The following TTC9 variants were observed in gnomAD, a reference collection of about 807,000 sequenced individuals.
The protein encoded by TTC9 is tetratricopeptide repeat protein 9A.
In TTC9, 13 loss-of-function variants were observed where a neutral mutation model predicts 22.9. The observed-to-expected ratio is 0.57, with a 90% confidence interval of 0.37 to 0.90. TTC9 has a LOEUF of 0.90. TTC9 is among the 40% of genes least tolerant of loss of function. TTC9 has a pLI of 0.01. For synonymous variants in TTC9, 148 were observed against 133.2 expected, an observed-to-expected ratio of 1.11 and a Z score of -0.77; for missense variants, 280 against 291.8, an observed-to-expected ratio of 0.96 and a Z score of 0.29.
chr14:70,649,314 G>C (rs919774397), intron 1 of TTC9, among the ~76,000 whole-genome samples: 2 of 152,184 alleles, frequency 1.3e-5, no homozygotes, highest in Non-Finnish European at 2.9e-5. Context: ...TCTCTTGTTA[G>C]GGATCCAATA....
intron 1 of TTC9, among the ~76,000 whole-genome samples, chr14:70,650,872 C>T (rs1238689576): frequency 6.6e-6 from 1 of 152,120 alleles, no homozygotes; most frequent in Non-Finnish European, 1.5e-5. Flanking sequence ...TATGCTAGTA[C>T]AGTGTTCGCA....
intron 1 of TTC9, among the ~76,000 whole-genome samples, chr14:70,658,769 A>G (rs1886100695): frequency 6.6e-6 from 1 of 152,234 alleles, no homozygotes; most frequent in African/African-American, 2.4e-5. Flanking sequence ...ATTCCTATCA[A>G]CTTTATTCGT....
intron 1 of TTC9, among the ~76,000 whole-genome samples, chr14:70,653,103 C>G (rs1886009657): frequency 6.6e-6 from 1 of 152,180 alleles, no homozygotes; most frequent in South Asian, 2.1e-4. Flanking sequence ...TAATAATGTA[C>G]CACATAGGAT....
At position 70,671,391 on chromosome 14, in the gene TTC9, G is replaced by A. The variant is rs1049319422; in HGVS notation, c.*236G>A. On this transcript the variant is annotated 3_prime_UTR_variant, in exon 3 of 3. Coordinates refer to ENST00000256367, the MANE Select transcript of TTC9 (RefSeq NM_015351.2). ...ACATCCTCTCCTCTAGCAGGTCAGCGACTGAGAGGGGCCTGACTTCTGCTG... is the reference window on the plus strand; with the variant it reads ...ACATCCTCTCCTCTAGCAGGTCAGCAACTGAGAGGGGCCTGACTTCTGCTG... 18 of 420,856 alleles carry A rather than the reference G, an allele frequency of 4.3e-5. No individual in the cohort carries two copies. The highest frequency in any genetic ancestry group is 7.5e-5 in the Non-Finnish European group (17 of 226,186). 26.1% of individuals were successfully genotyped at this position (420,856 alleles called of 1,614,324 possible).
At chr14:70,657,519 T>G (rs764678122) in intron 1 of TTC9, among the ~76,000 whole-genome samples, 6 of 152,056 alleles carry the variant, frequency 3.9e-5, no homozygotes, top group Non-Finnish European at 8.8e-5. Context: ...AATGGAAAAG[T>G]GGAAGGTCAG....
intron 1 of TTC9, among the ~76,000 whole-genome samples, chr14:70,644,275 A>G (rs1885872052): frequency 6.6e-6 from 1 of 152,198 alleles, no homozygotes; most frequent in Admixed American, 6.5e-5. Flanking sequence ...GCGGGACTGA[A>G]ATCTGGATAG....
intron 1 of TTC9, among the ~76,000 whole-genome samples, chr14:70,653,642 T>C (rs1435578594): frequency 6.6e-6 from 1 of 152,154 alleles, no homozygotes; most frequent in Non-Finnish European, 1.5e-5. Context: ...ATTCTCCAAA[T>C]GAATAAGGCT....
intron 1 of TTC9, among the ~76,000 whole-genome samples, chr14:70,664,704 A>G (rs948668249): frequency 2.0e-5 from 3 of 148,296 alleles, no homozygotes; most frequent in Non-Finnish European, 4.4e-5. Flanking sequence ...ACTCCAGCCT[A>G]GGCAATAGAG....
At chr14:70,649,375 C>T (rs1317750059) in intron 1 of TTC9, among the ~76,000 whole-genome samples, 2 of 152,212 alleles carry the variant, frequency 1.3e-5, no homozygotes, top group Non-Finnish European at 2.9e-5. Context: ...ACACCAGACT[C>T]CAGGCTTGGG....
At chr14:70,649,695 G>A (rs866716001) in intron 1 of TTC9, among the ~76,000 whole-genome samples, 46 of 152,304 alleles carry the variant, frequency 3.0e-4, no homozygotes, top group African/African-American at 1.0e-3. Context: ...TCTACTCTTT[G>A]AAGCAACACA....
chr14:70,644,345 A>G (rs1484811562), intron 1 of TTC9, among the ~76,000 whole-genome samples: 1 of 152,238 alleles, frequency 6.6e-6, no homozygotes, highest in Non-Finnish European at 1.5e-5. Context: ...GAGAATGGAA[A>G]GTAGCAATAG....
At chr14:70,654,655 A>T (rs1886035752) in intron 1 of TTC9, among the ~76,000 whole-genome samples, 1 of 150,806 alleles carries the variant, frequency 6.6e-6, no homozygotes, top group South Asian at 2.1e-4. Flanking sequence ...TCATAGTTGC[A>T]GAAGTTATTG....
Position 70,671,202 on chromosome 14 carries a change from C to T in TTC9, c.*47C>T. On this transcript the variant is annotated 3_prime_UTR_variant, in exon 3 of 3. Transcript: ENST00000256367. ...GCGCCCACGCCTGACCGGGGACTTCCAGGCATCCCCTGGCAGAGAGCCCCG... is the reference window on the plus strand; with the variant it reads ...GCGCCCACGCCTGACCGGGGACTTCTAGGCATCCCCTGGCAGAGAGCCCCG... The T allele has an allele frequency of 1.3e-6, 2 of 1,535,836 alleles. No individual in the cohort carries two copies. Among genetic ancestry groups the T allele is most frequent in the South Asian group, 2.3e-5 (2 of 88,842 alleles).
chr14:70,666,706 C>G (rs1330503071), intron 1 of TTC9, among the ~76,000 whole-genome samples: 1 of 152,180 alleles, frequency 6.6e-6, no homozygotes, highest in East Asian at 1.9e-4. Context: ...TTCTTCAGCT[C>G]TCTGGGCCTC....
At chr14:70,665,813 G>A (rs938654822) in intron 1 of TTC9, among the ~76,000 whole-genome samples, 6 of 152,098 alleles carry the variant, frequency 3.9e-5, no homozygotes, top group Admixed American at 1.3e-4. Context: ...AATGACTGAC[G>A]TTAGACCCCT....
At position 70,642,112 on chromosome 14, in the gene TTC9, C is replaced by A; in HGVS notation, c.-18C>A. ...CGGGCAGATCGCGGCGCGCACCAGG[C>A]GCCGGGGCGGCGGCCGAATGGAGAG... On this transcript the variant is annotated 5_prime_UTR_variant, in exon 1 of 3. Coordinates refer to ENST00000256367, the MANE Select transcript of TTC9 (RefSeq NM_015351.2). 9.1e-7 allele frequency: 1 copy of A among 1,098,892 alleles called. No homozygotes were observed. The highest frequency in any genetic ancestry group is 1.1e-6 in the Non-Finnish European group (1 of 903,894). The allele number at this position is 1,098,892 out of a possible 1,614,324, so 68.1% of individuals were successfully genotyped here.
intron 1 of TTC9, among the ~76,000 whole-genome samples, chr14:70,649,142 A>G (rs1156578415): frequency 6.6e-6 from 1 of 152,152 alleles, no homozygotes; most frequent in Non-Finnish European, 1.5e-5. Flanking sequence ...AGGGATATTC[A>G]CCACCATCTG....
chr14:70,646,270 C>G (rs759005717), intron 1 of TTC9, among the ~76,000 whole-genome samples: 2 of 152,156 alleles, frequency 1.3e-5, no homozygotes, highest in Non-Finnish European at 2.9e-5. Context: ...GATCCTGATA[C>G]AATGATTAGA....
At chr14:70,669,728 C>T (rs995643216) in intron 2 of TTC9, among the ~76,000 whole-genome samples, 2 of 152,094 alleles carry the variant, frequency 1.3e-5, no homozygotes, top group Admixed American at 6.6e-5. Context: ...AATCGTGTTC[C>T]ACCAACTGTA....
Sources: allele counts gnomAD v4.1 joint callset (sites outside exome capture counted in the v4.1 genomes callset), GRCh38; gene constraint gnomAD v4.1.1; transcripts MANE v1.5; gene names NCBI Gene and HGNC (gene_info 2026-07-23, HGNC 2026-07-21).